Variants in RIMS1 observed in about 807,000 individuals in gnomAD.
RIMS1 encodes regulating synaptic membrane exocytosis protein 1.
Under a neutral mutation model 214.1 loss-of-function variants are expected in RIMS1, and 83 were observed. That is an observed-to-expected ratio of 0.39 (90% CI 0.32 to 0.47). RIMS1 has a LOEUF of 0.47. Among genes scored for constraint, RIMS1 ranks in the 20% least tolerant of loss-of-function variants. The pLI, the probability that RIMS1 is intolerant of heterozygous loss-of-function variation, is 0.99. For synonymous variants in RIMS1, 793 were observed against 786.8 expected, an observed-to-expected ratio of 1.01 and a Z score of -0.13; for missense variants, 2,050 against 2,161.8, an observed-to-expected ratio of 0.95 and a Z score of 1.03.
intron 28 of RIMS1, chr6:72,316,481 C>T (rs1401201533): frequency 8.7e-6 from 3 of 345,764 alleles, no homozygotes; most frequent in Non-Finnish European, 1.7e-5. Flanking sequence ...CTCAGCAAGG[C>T]TGCTACCTGG....
rs534624437 is a variant in RIMS1 at position 71,931,523 on chromosome 6, T to G, written c.165-37460T>G. Among the ~76,000 whole-genome samples the G allele has an allele frequency of 2.0e-5, 3 of 152,130 alleles. No individual in the cohort carries two copies. The South Asian group carries it at 6.2e-4, about 32-fold the overall frequency. Reference sequence around the variant, plus strand: ...AAATGTTCTACAACATGCCACGGATTTTTTCTTTTAAGAGACAAGGTCTTT... The same window carrying G: ...AAATGTTCTACAACATGCCACGGATGTTTTCTTTTAAGAGACAAGGTCTTT... On this transcript the variant is annotated intron_variant, in intron 1 of 33. Coordinates refer to ENST00000521978, the MANE Select transcript of RIMS1 (RefSeq NM_014989.7).
chr6:72,325,270 A>G (rs1212714203), intron 28 of RIMS1, among the ~76,000 whole-genome samples: 1 of 151,818 alleles, frequency 6.6e-6, no homozygotes. Flanking sequence ...TAGCAAATTG[A>G]ATCCAGATAG....
intron 2 of RIMS1, among the ~76,000 whole-genome samples, chr6:72,043,491 T>C (rs1822047473): frequency 6.6e-6 from 1 of 151,736 alleles, no homozygotes; most frequent in Admixed American, 6.6e-5. Context: ...AAATTGGATG[T>C]TATGGCACAA....
intron 28 of RIMS1, 116 bp from the exon 29 acceptor site, chr6:72,333,484 T>C: frequency 1.3e-6 from 1 of 797,836 alleles, no homozygotes; most frequent in Non-Finnish European, 2.0e-6. Context: ...ACTACTCAAC[T>C]GCATTTTCTC....
intron 1 of RIMS1, among the ~76,000 whole-genome samples, chr6:71,929,346 T>A (rs1242496612): frequency 6.6e-6 from 1 of 152,124 alleles, no homozygotes; most frequent in East Asian, 1.9e-4. Flanking sequence ...GGTGACAGCA[T>A]GGGAGCAGAT....
At chr6:71,946,714 T>G (rs79865600) in intron 1 of RIMS1, among the ~76,000 whole-genome samples, 12,841 of 152,104 alleles carry the variant, frequency 0.084, 644 homozygotes, top group Middle Eastern at 0.12. Flanking sequence ...CTCTGTGACA[T>G]TGGCCTGGGA....
At chr6:71,979,305 A>G (rs1797905999) in intron 2 of RIMS1, among the ~76,000 whole-genome samples, 1 of 152,034 alleles carries the variant, frequency 6.6e-6, no homozygotes, top group African/African-American at 2.4e-5. Context: ...ATTAAGCCAC[A>G]TGATGTGGCA....
intron 4 of RIMS1, among the ~76,000 whole-genome samples, chr6:72,164,088 T>C (rs1385514554): frequency 6.6e-6 from 1 of 152,116 alleles, no homozygotes; most frequent in African/African-American, 2.4e-5. Flanking sequence ...GCCTTGGCAA[T>C]GGTGGGCGCC....
chr6:72,368,867 T>G (rs1251233461), intron 29 of RIMS1, among the ~76,000 whole-genome samples: 1 of 151,944 alleles, frequency 6.6e-6, no homozygotes, highest in Non-Finnish European at 1.5e-5. Context: ...GTGGTCACAC[T>G]TGGTTGTTGG....
intron 4 of RIMS1, among the ~76,000 whole-genome samples, chr6:72,153,021 T>A (rs1219764135): frequency 7.1e-6 from 1 of 141,574 alleles, no homozygotes; most frequent in Non-Finnish European, 1.5e-5. Flanking sequence ...TATATATGTG[T>A]GTGTGTATAT....
chr6:72,086,987 G>T (rs966668525), intron 2 of RIMS1, among the ~76,000 whole-genome samples: 1 of 152,266 alleles, frequency 6.6e-6, no homozygotes, highest in Admixed American at 6.5e-5. Context: ...TTTGTGCTGT[G>T]CATTAAATCA....
At chr6:71,932,759 T>C (rs1783421909) in intron 1 of RIMS1, among the ~76,000 whole-genome samples, 1 of 152,176 alleles carries the variant, frequency 6.6e-6, no homozygotes, top group South Asian at 2.1e-4. Context: ...TATAGGCATG[T>C]ATTATCATGA....
At chr6:72,222,090 CTT>C (rs948873411) in intron 6 of RIMS1, among the ~76,000 whole-genome samples, 3 of 151,886 alleles carry the variant, frequency 2.0e-5, no homozygotes, top group Non-Finnish European at 4.4e-5. Context: ...GAAAAATTGA[CTT>C]TTTAACATTA....
chr6:72,182,625 G>A lies in RIMS1; in HGVS notation c.1154G>A (p.Arg385Lys), dbSNP rs1588672295. The A allele has an allele frequency of 1.3e-6, 2 of 1,545,226 alleles. No individual in the cohort carries two copies. Among genetic ancestry groups the A allele is most frequent in the Non-Finnish European group, 1.7e-6 (2 of 1,145,176 alleles). Reference protein sequence around the residue: ...MRMHARVSRARHERRHSDVAL... With the variant: ...MRMHARVSRAKHERRHSDVAL... Reference sequence around the variant, plus strand: ...ATGCACGCCCGGGTGTCCCGCGCCAGGCACGAGCGGCGCCACAGCGACGTG... The same window carrying A: ...ATGCACGCCCGGGTGTCCCGCGCCAAGCACGAGCGGCGCCACAGCGACGTG... Residue 385 changes from arginine (R) to lysine (K), a missense_variant, in exon 6 of 34, where the codon AGG becomes AAG. Arg to Lys is a conservative substitution (Grantham distance 26, BLOSUM62 2). Transcript: ENST00000521978.
At chr6:72,159,675 G>C (rs370416221) in intron 4 of RIMS1, among the ~76,000 whole-genome samples, 1 of 140,262 alleles carries the variant, frequency 7.1e-6, no homozygotes. Context: ...GTTTTTCTCA[G>C]GTTTGTCAAA....
chr6:72,296,747 T>C (rs1208382181), intron 26 of RIMS1, among the ~76,000 whole-genome samples: 4 of 152,066 alleles, frequency 2.6e-5, no homozygotes, highest in African/African-American at 9.6e-5. Context: ...GAAAGTGGAC[T>C]GATTGAATTA....
At chr6:72,002,675 G>T (rs1186495219) in intron 2 of RIMS1, among the ~76,000 whole-genome samples, 1 of 152,162 alleles carries the variant, frequency 6.6e-6, no homozygotes, top group Non-Finnish European at 1.5e-5. Context: ...GATGCCTGTG[G>T]AACCCGCAGA....
chr6:72,330,117 A>G (rs985020542), intron 28 of RIMS1, among the ~76,000 whole-genome samples: 1 of 151,848 alleles, frequency 6.6e-6, no homozygotes, highest in Non-Finnish European at 1.5e-5. Context: ...CCAGTGAGGC[A>G]CAAGTTTGGA....
intron 29 of RIMS1, among the ~76,000 whole-genome samples, chr6:72,353,432 T>C (rs2097531025): frequency 6.6e-6 from 1 of 152,238 alleles, no homozygotes; most frequent in African/African-American, 2.4e-5. Flanking sequence ...CCACAATTTC[T>C]ATTCATTCGT....
Sources: allele counts gnomAD v4.1 joint callset (sites outside exome capture counted in the v4.1 genomes callset), GRCh38; gene constraint gnomAD v4.1.1; transcripts MANE v1.5; gene names NCBI Gene and HGNC (gene_info 2026-07-23, HGNC 2026-07-21).